Variants in RELCH observed in about 807,000 individuals in gnomAD.
RELCH encodes the protein RAB11 binding and LisH domain, coiled-coil and HEAT repeat containing, also known as RAB11-binding protein RELCH.
Under a neutral mutation model 150.3 loss-of-function variants are expected in RELCH, and 41 were observed. The ratio of observed to expected loss-of-function variants is 0.27; its 90% CI spans 0.21 to 0.35. The LOEUF is 0.35. Among genes scored for constraint, RELCH ranks in the 10% least tolerant of loss-of-function variants. RELCH has a pLI of 1.00. For synonymous variants in RELCH, 478 were observed against 531.8 expected, an observed-to-expected ratio of 0.90 and a Z score of 1.39; for missense variants, 1,092 against 1,467.8, an observed-to-expected ratio of 0.74 and a Z score of 4.18.
In RELCH at chr18:62,284,752, C is replaced by T. The variant is rs57410710; in HGVS notation, c.3253+2308C>T. On this transcript the variant is annotated intron_variant, in intron 25 of 28. Coordinates refer to ENST00000644646, the MANE Select transcript of RELCH (RefSeq NM_001346231.2). Reference sequence around the variant, plus strand: ...GGCATTTTGGGTATTTAGGTATTTGCCCCTCTATTTCTTGGCTAATAGAGG... The same window carrying T: ...GGCATTTTGGGTATTTAGGTATTTGTCCCTCTATTTCTTGGCTAATAGAGG... 7.6e-3 allele frequency among the ~76,000 whole-genome samples: 1,163 copies of T among 152,202 alleles called. 12 individuals are homozygous for T. Among genetic ancestry groups the T allele is most frequent in the East Asian group, 0.038 (194 of 5,172 alleles).
At chr18:62,228,624 A>G (rs1568347178) in intron 8 of RELCH, 26 bp downstream of exon 8, 2 of 1,546,016 alleles carry the variant, frequency 1.3e-6, no homozygotes, top group Non-Finnish European at 1.8e-6. Flanking sequence ...ATATTTTGAA[A>G]TGCATCTTTC....
At position 62,241,055 on chromosome 18, in the gene RELCH, T is replaced by C. The variant is rs113041721; in HGVS notation, c.1621-3709T>C. On this transcript the variant is annotated intron_variant, in intron 10 of 28. Coordinates refer to ENST00000644646, the MANE Select transcript of RELCH (RefSeq NM_001346231.2). Reference sequence around the variant, plus strand: ...AGCTATCACCAGACACCTCAGCTAATAGAAAAATGCAAGTTAGCTTACTGC... The same window carrying C: ...AGCTATCACCAGACACCTCAGCTAACAGAAAAATGCAAGTTAGCTTACTGC... 2.5e-3 allele frequency among the ~76,000 whole-genome samples: 387 copies of C among 152,260 alleles called. 3 individuals are homozygous for C. Among genetic ancestry groups the C allele is most frequent in the African/African-American group, 9.0e-3 (374 of 41,568 alleles).
At chr18:62,193,334 C>T (rs2038787344) in intron 1 of RELCH, among the ~76,000 whole-genome samples, 2 of 152,152 alleles carry the variant, frequency 1.3e-5, no homozygotes, top group South Asian at 4.1e-4. Flanking sequence ...AACTTCCTCG[C>T]CTCCTATTTG....
At chr18:62,228,165 A>G in intron 7 of RELCH, 140 bp from the exon 8 acceptor site, 1 of 666,784 alleles carries the variant, frequency 1.5e-6, no homozygotes, top group Non-Finnish European at 2.5e-6. Context: ...ATTGCATAAA[A>G]AAGATTTATT....
At chr18:62,291,509 T>G (rs1568442435) in intron 26 of RELCH, 34 bp from the exon 27 acceptor site, 1 of 1,401,446 alleles carries the variant, frequency 7.1e-7, no homozygotes, top group East Asian at 2.4e-5. Flanking sequence ...ACCAATTTGG[T>G]TTTGTTTAAT....
At chr18:62,241,600 T>C (rs2042150706) in intron 10 of RELCH, among the ~76,000 whole-genome samples, 1 of 152,198 alleles carries the variant, frequency 6.6e-6, no homozygotes, top group Non-Finnish European at 1.5e-5. Flanking sequence ...CTGATTTACA[T>C]TTAGTCTTTC....
intron 4 of RELCH, 42 bp from the exon 5 acceptor site, chr18:62,221,342 G>T: frequency 6.5e-7 from 1 of 1,528,596 alleles, no homozygotes; most frequent in Non-Finnish European, 9.1e-7. Context: ...ATTGAAGGAG[G>T]AATACTTATG....
At chr18:62,292,592 A>G (rs971012877) in intron 27 of RELCH, among the ~76,000 whole-genome samples, 13 of 152,148 alleles carry the variant, frequency 8.5e-5, no homozygotes, top group African/African-American at 2.4e-4. Flanking sequence ...CCATCTGTCT[A>G]TTCCACCTGC....
intron 5 of RELCH, among the ~76,000 whole-genome samples, chr18:62,224,976 A>G (rs2041118535): frequency 6.6e-6 from 1 of 152,114 alleles, no homozygotes. Context: ...AAAAGATATT[A>G]TAGTAAAGAT....
chr18:62,258,444 T>C, intron 14 of RELCH, 68 bp from the exon 15 acceptor site: 1 of 1,321,004 alleles, frequency 7.6e-7, no homozygotes, highest in Non-Finnish European at 1.0e-6. Context: ...TTTTATTACT[T>C]TTTATTAAGT....
chr18:62,250,951 CA>C (rs2042672987), intron 11 of RELCH, among the ~76,000 whole-genome samples: 1 of 152,032 alleles, frequency 6.6e-6, no homozygotes, highest in Non-Finnish European at 1.5e-5. Flanking sequence ...TTTTTCCCAT[CA>C]GGTTTTACTG....
chr18:62,290,250 A>G lies in RELCH; in HGVS notation c.3371-1293A>G, dbSNP rs573948946. 4.6e-5 allele frequency among the ~76,000 whole-genome samples: 7 copies of G among 152,244 alleles called. No individual in the cohort carries two copies. The South Asian group carries it at 1.4e-3, about 32-fold the overall frequency. On this transcript the variant is annotated intron_variant, in intron 26 of 28. Coordinates refer to ENST00000644646, the MANE Select transcript of RELCH (RefSeq NM_001346231.2). The stretch of plus-strand genomic sequence containing the variant: ...TAAGTCATCTAATTTAATCATCTTT[A>G]TGGCCGGGCACGGTGGCTCACGCCT...
intron 25 of RELCH, among the ~76,000 whole-genome samples, chr18:62,283,487 T>G (rs2044631961): frequency 6.6e-6 from 1 of 152,196 alleles, no homozygotes; most frequent in Non-Finnish European, 1.5e-5. Flanking sequence ...TATTTTATTC[T>G]CCGGCAGACT....
intron 5 of RELCH, among the ~76,000 whole-genome samples, chr18:62,222,775 T>C (rs1031861972): frequency 6.6e-6 from 1 of 151,998 alleles, no homozygotes; most frequent in Non-Finnish European, 1.5e-5. Flanking sequence ...ATACATACTC[T>C]TTAAATTCAA....
intron 10 of RELCH, among the ~76,000 whole-genome samples, chr18:62,241,307 C>T (rs1194787223): frequency 1.3e-5 from 2 of 152,128 alleles, no homozygotes; most frequent in African/African-American, 4.8e-5. Context: ...AGTCACTGCC[C>T]ACAACAGATC....
intron 10 of RELCH, among the ~76,000 whole-genome samples, chr18:62,240,986 C>A (rs570788600): frequency 6.6e-6 from 1 of 152,008 alleles, no homozygotes; most frequent in Non-Finnish European, 1.5e-5. Context: ...TGGTCCAGGA[C>A]ACATAGCCCT....
chr18:62,294,387 T>C (rs1260184797), intron 27 of RELCH, among the ~76,000 whole-genome samples: 1 of 152,190 alleles, frequency 6.6e-6, no homozygotes, highest in Non-Finnish European at 1.5e-5. Context: ...CTTTCTAATT[T>C]AGTGGATATA....
At chr18:62,215,189 C>T (rs955051302) in intron 2 of RELCH, among the ~76,000 whole-genome samples, 1 of 152,118 alleles carries the variant, frequency 6.6e-6, no homozygotes, top group African/African-American at 2.4e-5. Flanking sequence ...TTTGAATCTA[C>T]CCAAATTGGC....
intron 1 of RELCH, among the ~76,000 whole-genome samples, chr18:62,195,554 GA>G (rs2038976602): frequency 6.6e-6 from 1 of 152,084 alleles, no homozygotes; most frequent in Non-Finnish European, 1.5e-5. Context: ...ATCAAGTGGA[GA>G]GGGCAACTAA....
Sources: allele counts gnomAD v4.1 joint callset (sites outside exome capture counted in the v4.1 genomes callset), GRCh38; gene constraint gnomAD v4.1.1; transcripts MANE v1.5; gene names NCBI Gene and HGNC (gene_info 2026-07-23, HGNC 2026-07-21).